The following HEATR5A variants were observed in gnomAD, a reference collection of about 807,000 sequenced individuals.
HEATR5A encodes the protein HEAT repeat containing 5A.
HEATR5A carries 178 observed loss-of-function variants against 218.8 expected under a neutral mutation model. The ratio of observed to expected loss-of-function variants is 0.81; its 90% CI spans 0.72 to 0.92. The LOEUF (loss-of-function observed/expected upper bound fraction) is 0.92. Ranked by LOEUF, HEATR5A falls within the 40% of genes least tolerant of loss-of-function variation. HEATR5A has a pLI of 0.00. For missense variants in HEATR5A, 2,420 were observed against 2,418.9 expected (o/e 1.00, Z -0.01); for synonymous variants, 864 against 871.6 (o/e 0.99, Z 0.15).
intron 21 of HEATR5A, among the ~76,000 whole-genome samples, chr14:31,338,720 G>C (rs1900743544): frequency 3.3e-5 from 5 of 152,226 alleles, no homozygotes; most frequent in Admixed American, 2.6e-4. Flanking sequence ...TTTAGATTTG[G>C]CATATGTGGG....
At chr14:31,319,463 C>T (rs760257802) in intron 25 of HEATR5A, among the ~76,000 whole-genome samples, 39 of 152,134 alleles carry the variant, frequency 2.6e-4, no homozygotes, top group Non-Finnish European at 5.1e-4. Flanking sequence ...TCTAATATGA[C>T]AGTTCTACGT....
intron 20 of HEATR5A, among the ~76,000 whole-genome samples, chr14:31,344,268 C>CTTTTTTTCTTTTTTTTT (rs1900942929): frequency 2.0e-5 from 1 of 50,812 alleles, no homozygotes; most frequent in Non-Finnish European, 3.7e-5. Flanking sequence ...ATTAGTTATT[C>CTTTTTTTCTTTTTTTTT]TTTTTTTTTT....
At chr14:31,416,914 C>A (rs779650285) in intron 1 of HEATR5A, among the ~76,000 whole-genome samples, 10 of 151,828 alleles carry the variant, frequency 6.6e-5, no homozygotes, top group African/African-American at 2.4e-4. Context: ...ACAGCCTGGG[C>A]GACATAGCAA....
At chr14:31,329,920 C>T (rs187734883) in intron 22 of HEATR5A, among the ~76,000 whole-genome samples, 2 of 152,228 alleles carry the variant, frequency 1.3e-5, no homozygotes, top group East Asian at 3.9e-4. Flanking sequence ...ACCATGTTGC[C>T]CAAGCTGGTC....
At position 31,307,488 on chromosome 14, in the gene HEATR5A, A is replaced by T. The variant is rs74977393; in HGVS notation, c.4818+405T>A. Among the ~76,000 whole-genome samples the T allele has an allele frequency of 5.7e-3, 875 of 152,302 alleles. 7 individuals are homozygous for T. The highest frequency in any genetic ancestry group is 0.012 in the South Asian group (57 of 4,828). On this transcript the variant is annotated intron_variant, in intron 30 of 35. Transcript: ENST00000543095. The stretch of plus-strand genomic sequence containing the variant: ...GGGGGAGAACTTAGCCAACAGGAAT[A>T]CTTTGTAATGGACTGTAACTACATG...
At chr14:31,310,694 CATT>C (rs1899719167) in intron 28 of HEATR5A, among the ~76,000 whole-genome samples, 1 of 151,776 alleles carries the variant, frequency 6.6e-6, no homozygotes, top group South Asian at 2.1e-4. Flanking sequence ...TTCCACTTAA[CATT>C]ATGTTTTTAA....
rs370946179 is a variant in HEATR5A, at chr14:31,306,710, G to A, written c.4966+22C>T. 8.1e-5 allele frequency: 128 copies of A among 1,585,240 alleles called. 1 individual carries two copies. The highest frequency in any genetic ancestry group is 1.2e-4 in the Admixed American group (7 of 56,348). ...AAGAATGATGCTATTTGATCAACTCGGCATTAAAGGTTAACATTTACCTTC... is the reference window on the plus strand; with the variant it reads ...AAGAATGATGCTATTTGATCAACTCAGCATTAAAGGTTAACATTTACCTTC... On this transcript the variant is annotated intron_variant, in intron 31 of 35. Coordinates refer to ENST00000543095, the MANE Select transcript of HEATR5A (RefSeq NM_015473.4).
At chr14:31,294,135 AC>A in intron 34 of HEATR5A, 31 bp from the exon 35 acceptor site, 1 of 1,378,896 alleles carries the variant, frequency 7.3e-7, no homozygotes, top group South Asian at 1.3e-5. Flanking sequence ...AATAGCAAAT[AC>A]TATAAATAAA....
intron 1 of HEATR5A, among the ~76,000 whole-genome samples, chr14:31,417,511 G>C (rs1021865807): frequency 6.6e-6 from 1 of 152,146 alleles, no homozygotes; most frequent in African/African-American, 2.4e-5. Context: ...CGTGAACCCG[G>C]GAGGCGGAGC....
At chr14:31,398,504 A>G (rs963194289) in intron 4 of HEATR5A, among the ~76,000 whole-genome samples, 169 bp downstream of exon 4, 29 of 152,226 alleles carry the variant, frequency 1.9e-4, no homozygotes, top group African/African-American at 6.8e-4. Context: ...ACTGGGATTC[A>G]ATATACAGAG....
At chr14:31,343,787 A>G (rs1023266972) in intron 21 of HEATR5A, 109 bp downstream of exon 21, 1 of 870,836 alleles carries the variant, frequency 1.1e-6, no homozygotes, top group Admixed American at 3.4e-5. Context: ...AGCTACGTAT[A>G]TAACACATAA....
chr14:31,419,937 C>T (rs2031586902), intron 1 of HEATR5A, among the ~76,000 whole-genome samples: 1 of 152,286 alleles, frequency 6.6e-6, no homozygotes. Flanking sequence ...CTTCTGGGAA[C>T]TCTCTTTGAG....
Position 31,394,086 on chromosome 14 carries a change from T to G in HEATR5A, c.738A>C (p.Leu246Phe). Residue 246 changes from leucine to phenylalanine, a missense_variant, in exon 6 of 36, where the codon TTA (leucine) becomes TTC (phenylalanine). Coordinates refer to ENST00000543095, the MANE Select transcript of HEATR5A (RefSeq NM_015473.4). ...GATGTTTAGAAATTACAGCTTTAGC[T>G]AATATTATGCCTAGTAACTTTGAAA... is the stretch of plus-strand genomic sequence containing the variant. Reference protein sequence around the residue: ...ISVSKLLGIILAKAVISKHPG... With the variant: ...ISVSKLLGIIFAKAVISKHPG... 6.5e-7 allele frequency: 1 copy of G among 1,531,934 alleles called. No individual in the cohort carries two copies. Among genetic ancestry groups the G allele is most frequent in the Non-Finnish European group, 8.7e-7 (1 of 1,144,820 alleles). The allele number at this position is 1,531,934 out of a possible 1,614,324, so 94.9% of individuals were successfully genotyped here.
chr14:31,361,798 G>A (rs1171919383), intron 14 of HEATR5A, among the ~76,000 whole-genome samples: 1 of 152,032 alleles, frequency 6.6e-6, no homozygotes, highest in Non-Finnish European at 1.5e-5. Context: ...GTCACTCTAA[G>A]ACTCTAAATC....
chr14:31,383,866 T>C (rs1303474320), intron 9 of HEATR5A, 95 bp from the exon 10 acceptor site: 1 of 933,150 alleles, frequency 1.1e-6, no homozygotes, highest in African/African-American at 1.7e-5. Context: ...GGATATAAAA[T>C]ATATTTTTAT....
At chr14:31,350,112 C>CA in intron 17 of HEATR5A, 133 bp from the exon 18 acceptor site, 1 of 523,074 alleles carries the variant, frequency 1.9e-6, no homozygotes, top group Non-Finnish European at 3.2e-6. Context: ...AATAAGAACA[C>CA]AAAAATCCAC....
At chr14:31,348,967 CAT>C (rs945341533) in intron 18 of HEATR5A, among the ~76,000 whole-genome samples, 2 of 152,034 alleles carry the variant, frequency 1.3e-5, no homozygotes, top group African/African-American at 4.8e-5. Context: ...GCTTTTTTCC[CAT>C]ATTACTTTTA....
intron 7 of HEATR5A, among the ~76,000 whole-genome samples, chr14:31,388,135 CATAGAT>C (rs2030307368): frequency 6.6e-6 from 1 of 152,116 alleles, no homozygotes; most frequent in South Asian, 2.1e-4. Flanking sequence ...TTTCTTACTC[CATAGAT>C]ATAAAGTAGT....
rs200120290 is a variant in HEATR5A at position 31,362,607 on chromosome 14, A to C, written c.2071+1582T>G. Among the ~76,000 whole-genome samples, 25 of 9,464 alleles carry C rather than the reference A, an allele frequency of 2.6e-3. No homozygotes were observed. The East Asian group carries it at 0.032, about 12-fold the overall frequency. 6.2% of individuals were successfully genotyped at this position (9,464 alleles called of 152,430 possible). A position where few individuals can be genotyped will look rare whatever the true frequency, so the allele number is the denominator to read the frequency against. On this transcript the variant is annotated intron_variant, in intron 14 of 35. Coordinates refer to ENST00000543095, the MANE Select transcript of HEATR5A (RefSeq NM_015473.4). ...GCAAGACCTCATCTCTACAAATGACAAAAAAAAAAAAAAAAAAAAAAAAAC... is the reference window on the plus strand; with the variant it reads ...GCAAGACCTCATCTCTACAAATGACCAAAAAAAAAAAAAAAAAAAAAAAAC...
Sources: allele counts gnomAD v4.1 joint callset (sites outside exome capture counted in the v4.1 genomes callset), GRCh38; gene constraint gnomAD v4.1.1; transcripts MANE v1.5; gene names NCBI Gene and HGNC (gene_info 2026-07-23, HGNC 2026-07-21).